Variants in PTPRR observed in about 807,000 individuals in gnomAD.
PTPRR encodes the protein receptor-type tyrosine-protein phosphatase R.
PTPRR carries 38 observed loss-of-function variants against 77.2 expected under a neutral mutation model. The observed-to-expected ratio is 0.49, with a 90% CI of 0.38 to 0.65. The LOEUF is 0.65. PTPRR is among the 30% of genes least tolerant of loss of function. The pLI, the probability that PTPRR is intolerant of heterozygous loss-of-function variation, is 0.00. For missense variants in PTPRR, 744 were observed against 799.2 expected, an observed-to-expected ratio of 0.93 and a Z score of 0.83; for synonymous variants, 299 against 283.1, an observed-to-expected ratio of 1.06 and a Z score of -0.57.
intron 2 of PTPRR, among the ~76,000 whole-genome samples, chr12:70,870,871 AG>A (rs1892947246): frequency 6.6e-6 from 1 of 152,236 alleles, no homozygotes; most frequent in Admixed American, 6.5e-5. Flanking sequence ...CAATATGTAA[AG>A]CAACATGAGC....
At chr12:70,865,117 T>G (rs1339666575) in intron 2 of PTPRR, among the ~76,000 whole-genome samples, 1 of 152,092 alleles carries the variant, frequency 6.6e-6, no homozygotes, top group Non-Finnish European at 1.5e-5. Context: ...CCGACCGAGA[T>G]CTGATGATTT....
chr12:70,799,740 T>A (rs1891578833), intron 2 of PTPRR, among the ~76,000 whole-genome samples: 1 of 152,122 alleles, frequency 6.6e-6, no homozygotes, highest in Non-Finnish European at 1.5e-5. Context: ...AAAGAAGAGA[T>A]GAGTTTTTAT....
intron 2 of PTPRR, among the ~76,000 whole-genome samples, chr12:70,865,035 G>A (rs1308095252): frequency 6.6e-6 from 1 of 151,896 alleles, no homozygotes; most frequent in African/African-American, 2.4e-5. Flanking sequence ...GGCTGGTCTC[G>A]AACTCCTGAC....
chr12:70,670,797 T>C (rs1487031065), intron 10 of PTPRR, among the ~76,000 whole-genome samples: 1 of 152,238 alleles, frequency 6.6e-6, no homozygotes, highest in East Asian at 1.9e-4. Flanking sequence ...CATTTCAATG[T>C]TTCCTTCTCT....
At chr12:70,708,527 G>A (rs370541851) in intron 6 of PTPRR, among the ~76,000 whole-genome samples, 2 of 151,446 alleles carry the variant, frequency 1.3e-5, no homozygotes, top group African/African-American at 4.8e-5. Flanking sequence ...GGAAGAAAAT[G>A]TACTGCTTTG....
chr12:70,910,314 T>G (rs1893682099), intron 1 of PTPRR, among the ~76,000 whole-genome samples: 2 of 152,150 alleles, frequency 1.3e-5, no homozygotes, highest in African/African-American at 4.8e-5. Flanking sequence ...CCCAAATGTT[T>G]TTTTGTTTGT....
intron 2 of PTPRR, among the ~76,000 whole-genome samples, chr12:70,796,255 T>A (rs1891512226): frequency 6.6e-6 from 1 of 152,100 alleles, no homozygotes. Context: ...ACAGATAATC[T>A]GTCTTCCATT....
chr12:70,658,610 A>G (rs1244562693), intron 12 of PTPRR, among the ~76,000 whole-genome samples: 1 of 152,224 alleles, frequency 6.6e-6, no homozygotes, highest in East Asian at 1.9e-4. Context: ...TGCAACAATA[A>G]GTAGAACAGC....
At position 70,743,841 on chromosome 12, in the gene PTPRR, C is replaced by T. The variant is rs116057393; in HGVS notation, c.1007+1977G>A. Among the ~76,000 whole-genome samples the T allele has an allele frequency of 6.6e-3, 1,009 of 152,254 alleles. 13 individuals are homozygous for T. The highest frequency in any genetic ancestry group is 0.023 in the African/African-American group (948 of 41,536). On this transcript the variant is annotated intron_variant, in intron 6 of 13. Transcript: ENST00000283228. ...TATACTCCTTTAAACTGTAGACCAA[C>T]ATGTCCAGCAGTGGTCTACAGAGGG...
chr12:70,739,484 C>T (rs560786281), intron 6 of PTPRR, among the ~76,000 whole-genome samples: 14 of 152,090 alleles, frequency 9.2e-5, no homozygotes, highest in African/African-American at 2.2e-4. Flanking sequence ...TAGAAACAGA[C>T]GAGATCTTCA....
intron 12 of PTPRR, among the ~76,000 whole-genome samples, chr12:70,659,589 T>C (rs1886719189): frequency 6.6e-6 from 1 of 152,154 alleles, no homozygotes; most frequent in African/African-American, 2.4e-5. Context: ...CCTGAGTGTT[T>C]AATGACTTTG....
chr12:70,844,850 T>C (rs1292679793), intron 2 of PTPRR, among the ~76,000 whole-genome samples: 3 of 152,120 alleles, frequency 2.0e-5, no homozygotes, highest in Admixed American at 2.0e-4. Context: ...CATATGAAAA[T>C]ACCAATATAG....
At chr12:70,643,479 C>A (rs928529567) in intron 13 of PTPRR, among the ~76,000 whole-genome samples, 4 of 151,938 alleles carry the variant, frequency 2.6e-5, no homozygotes, top group African/African-American at 9.7e-5. Flanking sequence ...CTGGCAAATG[C>A]AGTTTTTTAG....
In PTPRR at chr12:70,920,351, G is replaced by A; in HGVS notation, c.40C>T (p.Leu14Phe). 4.3e-6 allele frequency: 7 copies of A among 1,613,916 alleles called. No homozygotes were observed. Among genetic ancestry groups the A allele is most frequent in the Non-Finnish European group, 5.9e-6 (7 of 1,179,936 alleles). ...AVCFPALCLL[L>F]NLHAAGCFSG... The stretch of plus-strand genomic sequence containing the variant: ...CCCTTACCTGCAGCGTGAAGATTAA[G>A]GAGCAGGCACAGCGCAGGGAAGCAG... Residue 14 changes from leucine to phenylalanine, a missense_variant, in exon 1 of 14, where the codon CTT becomes TTT. Physicochemically the swap from Leu to Phe is conservative, Grantham distance 22. Transcript: ENST00000283228.
intron 5 of PTPRR, among the ~76,000 whole-genome samples, chr12:70,751,035 G>C (rs558528048): frequency 6.6e-6 from 1 of 151,768 alleles, no homozygotes; most frequent in South Asian, 2.1e-4. Context: ...CACTGCACTT[G>C]GTCCCCCTGT....
intron 6 of PTPRR, among the ~76,000 whole-genome samples, chr12:70,738,469 CCT>C (rs1889945688): frequency 6.6e-6 from 1 of 152,180 alleles, no homozygotes; most frequent in South Asian, 2.1e-4. Context: ...CAGTTTTCTA[CCT>C]CTCCTTGCAC....
intron 10 of PTPRR, among the ~76,000 whole-genome samples, chr12:70,671,244 C>T (rs1007521049): frequency 4.6e-5 from 7 of 152,038 alleles, no homozygotes; most frequent in African/African-American, 7.2e-5. Context: ...AAAACATCAG[C>T]GTTTCCTGTA....
chr12:70,904,238 A>G (rs780318109), intron 1 of PTPRR, among the ~76,000 whole-genome samples: 26 of 151,970 alleles, frequency 1.7e-4, no homozygotes, highest in South Asian at 4.1e-4. Context: ...AAAAATGTAT[A>G]TTCCCACAAA....
At chr12:70,794,803 G>A (rs939782569) in intron 2 of PTPRR, among the ~76,000 whole-genome samples, 5 of 152,156 alleles carry the variant, frequency 3.3e-5, no homozygotes, top group Admixed American at 6.5e-5. Context: ...ATAGCCACAG[G>A]CAGATACTAC....
Sources: allele counts gnomAD v4.1 joint callset (sites outside exome capture counted in the v4.1 genomes callset), GRCh38; gene constraint gnomAD v4.1.1; transcripts MANE v1.5; gene names NCBI Gene and HGNC (gene_info 2026-07-23, HGNC 2026-07-21).